The following SPMIP2 variants were observed in gnomAD, a reference collection of about 807,000 sequenced individuals.
SPMIP2 encodes the protein sperm microtubule inner protein 2.
chr4:159,080,302 G>A, the SPMIP2 span, among the ~76,000 whole-genome samples: 92 of 151,588 alleles, frequency 6.1e-4, 1 homozygote, highest in Non-Finnish European at 1.2e-3. Context: ...CTGCCACCTC[G>A]AACTCCTGGG....
chr4:159,062,752 G>A, the SPMIP2 span, among the ~76,000 whole-genome samples: 2 of 83,452 alleles, frequency 2.4e-5, no homozygotes, highest in African/African-American at 4.0e-5. Flanking sequence ...GCAGTGGCAC[G>A]ATCTCAACTC....
chr4:159,007,471 C>T, the SPMIP2 span: 1 of 703,362 alleles, frequency 1.4e-6, no homozygotes, highest in Non-Finnish European at 2.6e-6. Flanking sequence ...AAGAGAAATG[C>T]ATTCTAGTGA....
the SPMIP2 span, among the ~76,000 whole-genome samples, chr4:158,962,664 C>T: frequency 1.6e-4 from 25 of 152,268 alleles, no homozygotes; most frequent in Middle Eastern, 0.01. Flanking sequence ...TCCATTGTTG[C>T]AGCAGGGTCA....
chr4:159,043,273 A>G, the SPMIP2 span, among the ~76,000 whole-genome samples: 1 of 152,260 alleles, frequency 6.6e-6, no homozygotes, highest in Admixed American at 6.5e-5. Flanking sequence ...GTGCACAGCC[A>G]GAAACCAACC....
the SPMIP2 span, among the ~76,000 whole-genome samples, chr4:159,033,476 T>G: frequency 1.3e-5 from 2 of 152,100 alleles, no homozygotes; most frequent in Admixed American, 1.3e-4. Context: ...TTTACGAGAT[T>G]GTAGGATTTC....
chr4:159,068,313 T>C, the SPMIP2 span, among the ~76,000 whole-genome samples: 9 of 152,294 alleles, frequency 5.9e-5, no homozygotes, highest in African/African-American at 2.2e-4. Flanking sequence ...ATATACACCA[T>C]GGAATACTAT....
the SPMIP2 span, among the ~76,000 whole-genome samples, chr4:158,894,522 A>G: frequency 3.7e-4 from 56 of 152,290 alleles, 2 homozygotes; most frequent in African/African-American, 1.2e-3. Context: ...TTTCATATAG[A>G]CCACAGTTCT....
At chr4:159,011,746 C>T in the SPMIP2 span, among the ~76,000 whole-genome samples, 20 of 116,146 alleles carry the variant, frequency 1.7e-4, no homozygotes, top group African/African-American at 6.7e-4. Flanking sequence ...AAGATCGAAA[C>T]TCCATCCCAA....
chr4:158,948,590 TG>T, the SPMIP2 span, among the ~76,000 whole-genome samples: 46 of 144,518 alleles, frequency 3.2e-4, no homozygotes, highest in African/African-American at 1.3e-3. Context: ...GTATGTGGTT[TG>T]TTTTTTTTTT....
the SPMIP2 span, among the ~76,000 whole-genome samples, chr4:158,962,071 C>T: frequency 2.6e-5 from 4 of 152,088 alleles, no homozygotes; most frequent in Admixed American, 6.6e-5. Flanking sequence ...ACAGATCAAT[C>T]TTCAAATAAG....
chr4:158,956,212 G>A, the SPMIP2 span, among the ~76,000 whole-genome samples: 1 of 152,196 alleles, frequency 6.6e-6, no homozygotes, highest in Non-Finnish European at 1.5e-5. Flanking sequence ...TTTCTCAGTT[G>A]TCACTAGCGG....
chr4:158,898,629 GCT>G, the SPMIP2 span, among the ~76,000 whole-genome samples: 1 of 152,118 alleles, frequency 6.6e-6, no homozygotes, highest in Non-Finnish European at 1.5e-5. Context: ...TTGTGATTTG[GCT>G]CTCTGTCTGT....
the SPMIP2 span, among the ~76,000 whole-genome samples, chr4:159,082,449 CTGTGTGTGTGTG>C: frequency 1.2e-4 from 13 of 111,604 alleles, no homozygotes; most frequent in East Asian, 7.4e-4. Context: ...CCACTTTTCT[CTGTGTGTGTGTG>C]TGTGTGTGTG....
chr4:159,048,551 C>A, the SPMIP2 span, among the ~76,000 whole-genome samples: 5 of 151,676 alleles, frequency 3.3e-5, no homozygotes, highest in East Asian at 1.9e-4. Context: ...CTAGAGCCAC[C>A]GAGCCACAAG....
chr4:158,948,116 T>G, the SPMIP2 span, among the ~76,000 whole-genome samples: 2 of 152,180 alleles, frequency 1.3e-5, no homozygotes, highest in East Asian at 3.8e-4. Context: ...ACTTTGCTTG[T>G]TCCTGTCTGA....
the SPMIP2 span, among the ~76,000 whole-genome samples, chr4:158,908,796 C>T: frequency 6.6e-6 from 1 of 152,214 alleles, no homozygotes. Flanking sequence ...AAGTGATTCT[C>T]CTGCCTCAGC....
At chr4:159,012,066 A>G in the SPMIP2 span, among the ~76,000 whole-genome samples, 1 of 152,022 alleles carries the variant, frequency 6.6e-6, no homozygotes, top group Non-Finnish European at 1.5e-5. Context: ...AAAAAAAAAA[A>G]AAAAAATTAT....
At chr4:158,927,534 G>C in the SPMIP2 span, among the ~76,000 whole-genome samples, 1 of 152,194 alleles carries the variant, frequency 6.6e-6, no homozygotes, top group Admixed American at 6.5e-5. Flanking sequence ...AGGTGACAGC[G>C]TGCTGGCAGT....
chr4:158,964,769 G>C, the SPMIP2 span, among the ~76,000 whole-genome samples: 1 of 152,180 alleles, frequency 6.6e-6, no homozygotes, highest in Admixed American at 6.5e-5. Context: ...TGACTGGGGA[G>C]GCCTCAGGAA....
Sources: gnomAD v4.1 joint callset for allele counts (sites outside exome capture counted in the v4.1 genomes callset) on GRCh38, gnomAD v4.1.1 for gene constraint, MANE v1.5 for transcripts, NCBI Gene and HGNC (gene_info 2026-07-23, HGNC 2026-07-21) for gene names.